The following NR2F1-AS1 variants were observed in gnomAD, a reference collection of about 807,000 sequenced individuals.
The protein encoded by NR2F1-AS1 is NR2F1 regulatory antisense RNA 1.
At chr5:93,491,706 G>C (rs942018886) in intron 4 of NR2F1-AS1, among the ~76,000 whole-genome samples, 24 of 152,270 alleles carry the variant, frequency 1.6e-4, no homozygotes, top group African/African-American at 4.8e-4. Context: ...TCTCAAGCTA[G>C]GACATTCATC....
chr5:93,456,920 A>G (rs529363561), intron 4 of NR2F1-AS1, among the ~76,000 whole-genome samples: 6 of 152,308 alleles, frequency 3.9e-5, no homozygotes, highest in Admixed American at 1.3e-4. Context: ...TGTGCTTTTA[A>G]TGTGCACATA....
chr5:93,515,537 A>C (rs945748474), intron 4 of NR2F1-AS1, among the ~76,000 whole-genome samples: 20 of 151,952 alleles, frequency 1.3e-4, no homozygotes, highest in African/African-American at 4.8e-4. Flanking sequence ...ATTAACATCT[A>C]TCTCTTCTAC....
At chr5:93,466,191 T>A (rs1750227736) in intron 4 of NR2F1-AS1, among the ~76,000 whole-genome samples, 1 of 152,046 alleles carries the variant, frequency 6.6e-6, no homozygotes, top group Admixed American at 6.6e-5. Flanking sequence ...CTTTTCTCAT[T>A]CCACCCATTC....
At chr5:93,411,073 G>T (rs2149838585) in intron 4 of NR2F1-AS1, 1 of 152,260 alleles carries the variant, frequency 6.6e-6, no homozygotes, top group East Asian at 1.9e-4. Context: ...AACAGCAGAA[G>T]AAAAACAATG....
intron 4 of NR2F1-AS1, chr5:93,432,429 AT>A (rs1328772783): frequency 1.3e-5 from 2 of 152,142 alleles, no homozygotes; most frequent in African/African-American, 4.8e-5. Context: ...CCATGTCTGA[AT>A]TCTGCAGACA....
intron 4 of NR2F1-AS1, among the ~76,000 whole-genome samples, chr5:93,503,349 C>G (rs966382942): frequency 6.6e-6 from 1 of 151,994 alleles, no homozygotes; most frequent in Non-Finnish European, 1.5e-5. Context: ...TATTGTTACA[C>G]TGATATTAAA....
At chr5:93,422,862 G>A (rs1408512843) in intron 4 of NR2F1-AS1, among the ~76,000 whole-genome samples, 1 of 152,112 alleles carries the variant, frequency 6.6e-6, no homozygotes, top group Non-Finnish European at 1.5e-5. Flanking sequence ...TAGAACAGAG[G>A]CTGTGGACAG....
Position 93,524,946 on chromosome 5 carries a change from G to A in NR2F1-AS1, n.638+28815C>T, listed in dbSNP as rs1260180280. Among the ~76,000 whole-genome samples the A allele has an allele frequency of 2.6e-5, 4 of 152,082 alleles. No individual in the cohort carries two copies. The East Asian group carries it at 7.7e-4, about 29-fold the overall frequency. On this transcript the variant is annotated intron_variant and non_coding_transcript_variant, in intron 4 of 5. Coordinates refer to ENST00000660523, the Ensembl canonical transcript of NR2F1-AS1. ...CACTGACACTATGAAGAAATTGCAC[G>A]AACTAACAGGCAAAATAACCAGCTA...
chr5:93,524,990 C>T (rs111646484), intron 4 of NR2F1-AS1, among the ~76,000 whole-genome samples: 5 of 152,254 alleles, frequency 3.3e-5, no homozygotes, highest in African/African-American at 1.2e-4. Flanking sequence ...ACGACAGGAT[C>T]AAATTCACAT....
chr5:93,552,132 T>C (rs1356558872), intron 4 of NR2F1-AS1, among the ~76,000 whole-genome samples: 1 of 152,176 alleles, frequency 6.6e-6, no homozygotes, highest in Non-Finnish European at 1.5e-5. Context: ...AACATAGTCT[T>C]TGTACTTGCC....
chr5:93,439,326 C>T (rs990303677), intron 4 of NR2F1-AS1, among the ~76,000 whole-genome samples: 1 of 152,190 alleles, frequency 6.6e-6, no homozygotes, highest in African/African-American at 2.4e-5. Context: ...GACGGAGTCT[C>T]GCTGTCACCC....
At chr5:93,464,153 T>C (rs576306192) in intron 4 of NR2F1-AS1, among the ~76,000 whole-genome samples, 1 of 152,250 alleles carries the variant, frequency 6.6e-6, no homozygotes, top group Non-Finnish European at 1.5e-5. Flanking sequence ...AGGGGGTGAT[T>C]GAATTATGGT....
At chr5:93,514,884 C>G (rs915621667) in intron 4 of NR2F1-AS1, among the ~76,000 whole-genome samples, 1 of 151,930 alleles carries the variant, frequency 6.6e-6, no homozygotes. Flanking sequence ...GTGATTCAAA[C>G]AGTATAAATA....
chr5:93,550,502 G>A (rs1458321306), intron 4 of NR2F1-AS1, among the ~76,000 whole-genome samples: 3 of 152,074 alleles, frequency 2.0e-5, no homozygotes, highest in Non-Finnish European at 2.9e-5. Context: ...TCTCTATCAC[G>A]CATTTTTTAA....
intron 4 of NR2F1-AS1, among the ~76,000 whole-genome samples, chr5:93,526,414 G>C (rs1751616221): frequency 6.6e-6 from 1 of 152,114 alleles, no homozygotes; most frequent in East Asian, 1.9e-4. Flanking sequence ...TCTAGCAGAG[G>C]TACAAAGAGG....
chr5:93,439,253 A>C (rs1047817416), intron 4 of NR2F1-AS1, among the ~76,000 whole-genome samples: 3 of 152,374 alleles, frequency 2.0e-5, no homozygotes, highest in South Asian at 4.1e-4. Context: ...ATGGACAATT[A>C]GTGCCACATC....
At chr5:93,466,326 G>T (rs558283986) in intron 4 of NR2F1-AS1, among the ~76,000 whole-genome samples, 10 of 150,244 alleles carry the variant, frequency 6.7e-5, no homozygotes, top group South Asian at 4.2e-4. Flanking sequence ...TGCCCTCAAA[G>T]AATTCTTTTT....
At chr5:93,497,884 A>T (rs555833750) in intron 4 of NR2F1-AS1, among the ~76,000 whole-genome samples, 7 of 152,364 alleles carry the variant, frequency 4.6e-5, no homozygotes, top group Admixed American at 4.6e-4. Flanking sequence ...CATCGGAATC[A>T]AGGGTCAATT....
upstream of NR2F1-AS1, among the ~76,000 whole-genome samples, chr5:93,581,718 CTCTCT>C (rs1753049309): frequency 2.9e-5 from 2 of 69,456 alleles, no homozygotes; most frequent in African/African-American, 1.6e-4. Context: ...CTCTCTCTCT[CTCTCT>C]CTCTCTCTCT....
Sources: gnomAD v4.1 joint callset for allele counts (sites outside exome capture counted in the v4.1 genomes callset) on GRCh38, gnomAD v4.1.1 for gene constraint, MANE v1.5 for transcripts, NCBI Gene and HGNC (gene_info 2026-07-23, HGNC 2026-07-21) for gene names.